Variants in SEMA4D observed in about 807,000 individuals in gnomAD.
The protein encoded by SEMA4D is semaphorin 4D.
In SEMA4D, 22 loss-of-function variants were observed where a neutral mutation model predicts 74.8. That is an observed-to-expected ratio of 0.29 (90% CI 0.21 to 0.42). The LOEUF (loss-of-function observed/expected upper bound fraction) is 0.42, where lower values mean the gene tolerates loss of function less well. Among genes scored for constraint, SEMA4D ranks in the 10% least tolerant of loss-of-function variants. The pLI, the probability that SEMA4D is intolerant of heterozygous loss-of-function variation, is 1.00. For synonymous variants in SEMA4D, 445 were observed against 463.7 expected (o/e 0.96, Z 0.52); for missense variants, 937 against 1,118.4 (o/e 0.84, Z 2.31).
chr9:89,442,769 T>TG (rs1219771721), intron 2 of SEMA4D, among the ~76,000 whole-genome samples: 1 of 152,122 alleles, frequency 6.6e-6, no homozygotes, highest in Non-Finnish European at 1.5e-5. Flanking sequence ...CACCAGACAG[T>TG]GTCTGGCATG....
At chr9:89,481,705 C>T (rs979592986) in intron 1 of SEMA4D, among the ~76,000 whole-genome samples, 3 of 152,212 alleles carry the variant, frequency 2.0e-5, no homozygotes, top group Non-Finnish European at 4.4e-5. Flanking sequence ...CTGAGTGACA[C>T]GCACGAGGAT....
chr9:89,432,541 A>T (rs1849501876), intron 2 of SEMA4D, among the ~76,000 whole-genome samples: 1 of 152,210 alleles, frequency 6.6e-6, no homozygotes. Context: ...TCACCAGTGC[A>T]GTGGGGCACA....
chr9:89,476,227 A>G (rs955681139), intron 1 of SEMA4D, among the ~76,000 whole-genome samples: 1 of 152,142 alleles, frequency 6.6e-6, no homozygotes, highest in African/African-American at 2.4e-5. Context: ...CAACACCTTC[A>G]TACAATACAC....
rs965897090 is a variant in SEMA4D at position 89,384,812 on chromosome 9, G to A, written c.1446+1555C>T. On this transcript the variant is annotated intron_variant, in intron 13 of 15. Transcript: ENST00000422704. ...GTGAGAGAGCCTGATGGGGTCAGGC[G>A]GCACAGTCTTTTTACCACTGAACAG... The A allele has an allele frequency of 2.0e-5, 20 of 985,332 alleles. No individual in the cohort carries two copies. In the South Asian group the frequency reaches 3.8e-4, roughly 19 times the overall value. The allele number at this position is 985,332 out of a possible 1,614,324, so 61.0% of individuals were successfully genotyped here.
At chr9:89,398,950 GCACTATTCACCAGTGGGCTT>G (rs1186258711) in intron 5 of SEMA4D, among the ~76,000 whole-genome samples, 2 of 152,266 alleles carry the variant, frequency 1.3e-5, no homozygotes, top group East Asian at 1.9e-4. Flanking sequence ...CTGAATTTCT[GCACTATTCACCAGTGGGCTT>G]CACTATTCAC....
chr9:89,480,676 T>C (rs911851587), intron 1 of SEMA4D, among the ~76,000 whole-genome samples: 5 of 152,308 alleles, frequency 3.3e-5, no homozygotes, highest in East Asian at 3.9e-4. Context: ...AAGTCCCCCA[T>C]TGCCCGGGGC....
chr9:89,426,842 C>T (rs1848225935), intron 2 of SEMA4D, among the ~76,000 whole-genome samples: 1 of 152,154 alleles, frequency 6.6e-6, no homozygotes, highest in African/African-American at 2.4e-5. Flanking sequence ...AACAGTAGAC[C>T]AAGTGGTCAC....
chr9:89,412,938 C>A (rs1844850474), intron 2 of SEMA4D, among the ~76,000 whole-genome samples: 2 of 152,186 alleles, frequency 1.3e-5, no homozygotes, highest in Non-Finnish European at 1.5e-5. Context: ...CCTGCGAGTT[C>A]TTTCAGAACA....
At chr9:89,487,435 A>G (rs914116136) in intron 1 of SEMA4D, among the ~76,000 whole-genome samples, 1 of 152,136 alleles carries the variant, frequency 6.6e-6, no homozygotes, top group African/African-American at 2.4e-5. Context: ...AACAACAACA[A>G]CAACAAAACT....
rs1379172544 is a variant in SEMA4D at position 89,405,866 on chromosome 9, G to A, written c.-243-167C>T. ...GAGTCTTAGAAGTGGACAGCCCAAC[G>A]GACACAGGAAAGCGAAGCCAGGGTC... On this transcript the variant is annotated intron_variant, in intron 2 of 15. Transcript: ENST00000422704. 65 of 1,241,500 alleles carry A rather than the reference G, an allele frequency of 5.2e-5. No individual in the cohort carries two copies. In the East Asian group the frequency reaches 1.7e-3, roughly 33 times the overall value. The allele number at this position is 1,241,500 out of a possible 1,614,324, so 76.9% of individuals were successfully genotyped here.
intron 2 of SEMA4D, among the ~76,000 whole-genome samples, chr9:89,438,428 C>T (rs2134994483): frequency 6.6e-6 from 1 of 152,328 alleles, no homozygotes; most frequent in East Asian, 1.9e-4. Context: ...ACGACATTCA[C>T]CGCGGGAGCC....
chr9:89,476,478 CTG>C (rs1861773573), intron 1 of SEMA4D, among the ~76,000 whole-genome samples: 1 of 152,184 alleles, frequency 6.6e-6, no homozygotes, highest in Non-Finnish European at 1.5e-5. Context: ...AAATGGCCCT[CTG>C]TAATGAGGGT....
chr9:89,400,387 C>T (rs1255596731), intron 4 of SEMA4D, among the ~76,000 whole-genome samples: 2 of 152,218 alleles, frequency 1.3e-5, no homozygotes, highest in Non-Finnish European at 2.9e-5. Context: ...ATAACTGATG[C>T]AAAAGAAACC....
At chr9:89,454,327 A>C (rs1489806843) in intron 2 of SEMA4D, among the ~76,000 whole-genome samples, 2 of 152,070 alleles carry the variant, frequency 1.3e-5, no homozygotes, top group Non-Finnish European at 2.9e-5. Flanking sequence ...ACCTGCATCA[A>C]CCTTTAATCC....
chr9:89,466,345 T>C (rs930319606), intron 1 of SEMA4D, among the ~76,000 whole-genome samples: 1 of 152,182 alleles, frequency 6.6e-6, no homozygotes, highest in Non-Finnish European at 1.5e-5. Context: ...TGGAATTCTT[T>C]CTGGGCTCCT....
intron 2 of SEMA4D, among the ~76,000 whole-genome samples, chr9:89,422,260 T>C (rs1364781813): frequency 6.6e-6 from 1 of 152,252 alleles, no homozygotes; most frequent in Non-Finnish European, 1.5e-5. Context: ...GAATTCCTCA[T>C]TCTAAGAAAC....
chr9:89,390,047 T>C (rs35891434), intron 9 of SEMA4D, among the ~76,000 whole-genome samples: 60,316 of 151,892 alleles, frequency 0.4, 12,270 homozygotes, highest in African/African-American at 0.45. Context: ...CTAAGACTTG[T>C]AGAAACTTGT....
At position 89,450,670 on chromosome 9, in the gene SEMA4D, A is replaced by G. The variant is rs1294333974; in HGVS notation, c.-244+5218T>C. The G allele has an allele frequency of 2.9e-4, 150 of 509,610 alleles. 1 individual carries two copies. Among genetic ancestry groups the G allele is most frequent in the Middle Eastern group, 5.7e-4 (1 of 1,768 alleles). The allele number at this position is 509,610 out of a possible 1,614,324, so 31.6% of individuals were successfully genotyped here. On this transcript the variant is annotated intron_variant, in intron 2 of 15. Transcript: ENST00000422704. ...AGTCGAAAAACCCAGGAAAAAAAAA[A>G]AAAAAAAAAAAAAAAAAGGCCTCCA...
intron 2 of SEMA4D, chr9:89,418,151 G>T: frequency 1.0e-6 from 1 of 954,732 alleles, no homozygotes; most frequent in Non-Finnish European, 1.2e-6. Context: ...GGCTATTTAA[G>T]CCCTTAAACT....
Sources: allele counts gnomAD v4.1 joint callset (sites outside exome capture counted in the v4.1 genomes callset), GRCh38; gene constraint gnomAD v4.1.1; transcripts MANE v1.5; gene names NCBI Gene and HGNC (gene_info 2026-07-23, HGNC 2026-07-21).